Variants in GRAMD1C observed in about 807,000 individuals in gnomAD.
GRAMD1C encodes GRAM domain containing 1C.
Under a neutral mutation model 97.8 loss-of-function variants are expected in GRAMD1C, and 89 were observed. The observed-to-expected ratio is 0.91, with a 90% CI of 0.77 to 1.09. The LOEUF is 1.09. Ranked by LOEUF, GRAMD1C falls within the 50% of genes least tolerant of loss-of-function variation. The pLI is 0.00. For missense variants in GRAMD1C, 740 were observed against 766.4 expected (o/e 0.97, Z 0.41); for synonymous variants, 256 against 267.0 (o/e 0.96, Z 0.40).
chr3:113,850,304 GC>G, intron 2 of GRAMD1C: 1 of 703,762 alleles, frequency 1.4e-6, no homozygotes. Context: ...TGCTGACACA[GC>G]CCCAGCCTCG....
intron 9 of GRAMD1C, among the ~76,000 whole-genome samples, chr3:113,912,016 C>T (rs1422511527): frequency 6.6e-6 from 1 of 152,128 alleles, no homozygotes; most frequent in Non-Finnish European, 1.5e-5. Context: ...CATGAGCCAC[C>T]GCACCTGGCC....
rs58147654 is a variant in GRAMD1C, at chr3:113,848,497, G to GTT, written c.174+3858_174+3859dup. Among the ~76,000 whole-genome samples the GTT allele has an allele frequency of 4.9e-3, 733 of 148,274 alleles. 5 individuals carry two copies. The highest frequency in any genetic ancestry group is 0.034 in the South Asian group (162 of 4,728). ...GATAGGAATCTTAGTTGTTGTATTTGTTTTTTTTTTTATTTTAAAATATTG... is the reference window on the plus strand; with the variant it reads ...GATAGGAATCTTAGTTGTTGTATTTGTTTTTTTTTTTTTATTTTAAAATATTG... On this transcript the variant is annotated intron_variant, in intron 2 of 17. Transcript: ENST00000358160.
chr3:113,908,430 T>G (rs548202737), intron 8 of GRAMD1C, among the ~76,000 whole-genome samples: 60 of 152,180 alleles, frequency 3.9e-4, no homozygotes, highest in Non-Finnish European at 7.8e-4. Context: ...CAATTGTGTT[T>G]TTATGAGTTT....
chr3:113,935,176 A>G (rs1440963067), intron 13 of GRAMD1C, among the ~76,000 whole-genome samples: 7 of 152,230 alleles, frequency 4.6e-5, no homozygotes, highest in Non-Finnish European at 1.0e-4. Flanking sequence ...AAAAGAGAAA[A>G]TTGAAACACA....
At position 113,934,446 on chromosome 3, in the gene GRAMD1C, T is replaced by C; in HGVS notation, c.1367T>C (p.Leu456Ser). The part of the protein sequence containing the change: ...QKCRLRVSTD[L>S]KYRKQPWGLV... ...TATTCTACTAGAGTTTCCACAGATT[T>C]GAAATACAGAAAACAGCCATGGGGC... The change falls in exon 13 of 18, where the codon TTG (leucine) becomes TCG (serine). Residue 456 changes from leucine (L) to serine (S), a missense_variant. By Grantham distance (145) the Leu-to-Ser change is moderately radical. Coordinates refer to ENST00000358160, the MANE Select transcript of GRAMD1C (RefSeq NM_017577.5). 1 of 1,524,014 alleles carries C rather than the reference T, an allele frequency of 6.6e-7. No individual in the cohort carries two copies. The highest frequency in any genetic ancestry group is 9.0e-7 in the Non-Finnish European group (1 of 1,109,728). 94.4% of individuals were successfully genotyped at this position (1,524,014 alleles called of 1,614,324 possible).
intron 6 of GRAMD1C, among the ~76,000 whole-genome samples, chr3:113,895,353 G>A (rs929271626): frequency 3.9e-5 from 6 of 152,136 alleles, no homozygotes; most frequent in African/African-American, 1.4e-4. Context: ...TCGTGAGTGT[G>A]GCTTATATAA....
At chr3:113,878,144 C>G (rs1490095856) in intron 5 of GRAMD1C, among the ~76,000 whole-genome samples, 1 of 152,138 alleles carries the variant, frequency 6.6e-6, no homozygotes, top group Non-Finnish European at 1.5e-5. Flanking sequence ...TTTATTCATT[C>G]CTTTACTTAT....
chr3:113,940,384 TC>T (rs768891906), intron 17 of GRAMD1C, 39 bp downstream of exon 17: 2 of 1,067,658 alleles, frequency 1.9e-6, no homozygotes, highest in Non-Finnish European at 2.9e-6. Context: ...AGTATCTTTG[TC>T]CCAGTATGAA....
chr3:113,863,094 C>T (rs1248122402), intron 2 of GRAMD1C, among the ~76,000 whole-genome samples: 1 of 152,088 alleles, frequency 6.6e-6, no homozygotes, highest in Non-Finnish European at 1.5e-5. Context: ...ATATATACCC[C>T]AGAGAATTTA....
intron 2 of GRAMD1C, among the ~76,000 whole-genome samples, chr3:113,854,712 C>G (rs567713448): frequency 3.3e-5 from 5 of 152,010 alleles, no homozygotes; most frequent in Admixed American, 3.3e-4. Context: ...AACGTATATA[C>G]TTCTTTAAAG....
chr3:113,879,235 G>A (rs1413604254), intron 5 of GRAMD1C, among the ~76,000 whole-genome samples: 3 of 151,144 alleles, frequency 2.0e-5, no homozygotes, highest in Non-Finnish European at 4.4e-5. Context: ...CAAACAAACC[G>A]ACTCTCTTTA....
intron 10 of GRAMD1C, among the ~76,000 whole-genome samples, chr3:113,917,002 G>T (rs879164211): frequency 6.6e-6 from 1 of 152,042 alleles, no homozygotes; most frequent in Non-Finnish European, 1.5e-5. Context: ...TGGGCATGGT[G>T]GTGCACCCCT....
In GRAMD1C at chr3:113,901,019, C is replaced by CTG; in HGVS notation, c.541-10_541-9dup. On this transcript the variant is annotated splice_polypyrimidine_tract_variant and intron_variant, in intron 6 of 17. Transcript: ENST00000358160. ...TTTTCCAATGCTCAGTGTAATTTTT[C>CTG]TGTCACTTTAGAGCCTGACTAGACA... The CTG allele has an allele frequency of 7.5e-7, 1 of 1,326,214 alleles. No homozygotes were observed. Among genetic ancestry groups the CTG allele is most frequent in the Non-Finnish European group, 1.1e-6 (1 of 921,318 alleles). 82.2% of individuals were successfully genotyped at this position (1,326,214 alleles called of 1,614,324 possible). A position where few individuals can be genotyped will look rare whatever the true frequency, so the allele number is the denominator to read the frequency against.
chr3:113,934,558 C>A (rs1408052305), intron 13 of GRAMD1C, 23 bp downstream of exon 13: 1 of 1,053,168 alleles, frequency 9.5e-7, no homozygotes, highest in Non-Finnish European at 1.4e-6. Flanking sequence ...TTTTATTTAT[C>A]TATTTTTGTA....
intron 7 of GRAMD1C, among the ~76,000 whole-genome samples, chr3:113,902,223 A>G (rs1936202980): frequency 6.6e-6 from 1 of 152,236 alleles, no homozygotes; most frequent in Non-Finnish European, 1.5e-5. Context: ...TAGGTAATCT[A>G]CTTATGCTGA....
At chr3:113,874,587 C>T (rs945971529) in intron 3 of GRAMD1C, among the ~76,000 whole-genome samples, 10 of 152,112 alleles carry the variant, frequency 6.6e-5, no homozygotes, top group African/African-American at 2.2e-4. Context: ...TCAAGTGATC[C>T]GCTGGCCTCG....
At chr3:113,855,838 T>C (rs1183363412) in intron 2 of GRAMD1C, among the ~76,000 whole-genome samples, 1 of 152,130 alleles carries the variant, frequency 6.6e-6, no homozygotes, top group African/African-American at 2.4e-5. Flanking sequence ...GTGTGGTGTA[T>C]TGACCTCTGA....
intron 10 of GRAMD1C, chr3:113,919,990 A>G (rs1936976259): frequency 1.5e-6 from 1 of 674,234 alleles, no homozygotes; most frequent in South Asian, 1.5e-5. Context: ...ATATGACCCT[A>G]CTCCAACAAT....
intron 6 of GRAMD1C, among the ~76,000 whole-genome samples, chr3:113,896,934 C>T (rs917006657): frequency 6.6e-6 from 1 of 152,122 alleles, no homozygotes; most frequent in African/African-American, 2.4e-5. Flanking sequence ...CTATTATAGT[C>T]CAGATCACTG....
Sources: gnomAD v4.1 joint callset for allele counts (sites outside exome capture counted in the v4.1 genomes callset) on GRCh38, gnomAD v4.1.1 for gene constraint, MANE v1.5 for transcripts, NCBI Gene and HGNC (gene_info 2026-07-23, HGNC 2026-07-21) for gene names.